Variants in SYNE2 observed in about 807,000 individuals in gnomAD.
SYNE2 encodes nesprin-2.
SYNE2 carries 431 observed loss-of-function variants against 856.3 expected under a neutral mutation model. The observed-to-expected ratio is 0.50, with a 90% CI of 0.47 to 0.55. The LOEUF (loss-of-function observed/expected upper bound fraction) is 0.55, where lower values mean the gene tolerates loss of function less well. Ranked by LOEUF, SYNE2 falls within the 20% of genes least tolerant of loss-of-function variation. SYNE2 has a pLI of 0.00. For synonymous variants in SYNE2, 2,923 were observed against 2,872.3 expected, an observed-to-expected ratio of 1.02 and a Z score of -0.56; for missense variants, 8,129 against 8,023.2, an observed-to-expected ratio of 1.01 and a Z score of -0.50.
chr14:64,086,825 T>G (rs891465597), intron 57 of SYNE2, among the ~76,000 whole-genome samples: 1 of 148,890 alleles, frequency 6.7e-6, no homozygotes, highest in Non-Finnish European at 1.5e-5. Context: ...TTCTCCTGCC[T>G]CAGCCTCCTG....
intron 8 of SYNE2, among the ~76,000 whole-genome samples, chr14:63,955,585 T>C (rs972922658): frequency 6.6e-6 from 1 of 152,164 alleles, no homozygotes; most frequent in Admixed American, 6.5e-5. Flanking sequence ...TAGTGAAAAT[T>C]ATGATGAACG....
In SYNE2 at chr14:64,122,367, T is replaced by G; in HGVS notation, c.13362T>G (p.Tyr4454Ter). Residue 4454 changes from tyrosine (Y) to a stop codon, truncating the protein, a stop_gained, in exon 70 of 116, where the codon TAT (tyrosine) becomes TAG (stop). Transcript: ENST00000555002. LOFTEE classifies it high-confidence loss of function. ...GCCAAAATGGAGATAAGTGGCAATA[T>G]CTGCATCATGAACTCTCATCAAAAA... is the stretch of plus-strand genomic sequence containing the variant. ...PQGQNGDKWQ[Y>*]LHHELSSKIK... 1.9e-6 allele frequency: 3 copies of G among 1,614,184 alleles called. No homozygotes were observed. Among genetic ancestry groups the G allele is most frequent in the Non-Finnish European group, 2.5e-6 (3 of 1,180,036 alleles).
At chr14:63,919,285 G>A (rs1409753138) in intron 2 of SYNE2, among the ~76,000 whole-genome samples, 1 of 152,216 alleles carries the variant, frequency 6.6e-6, no homozygotes, top group Non-Finnish European at 1.5e-5. Context: ...GAAGATTTAA[G>A]TGAGTTTATA....
At chr14:63,820,250 T>C (rs1595143716) in intron 1 of SYNE2, among the ~76,000 whole-genome samples, 1 of 152,150 alleles carries the variant, frequency 6.6e-6, no homozygotes. Context: ...ATAGGGCAAG[T>C]AGAAATAAAC....
chr14:64,139,051 G>A (rs552890090), intron 79 of SYNE2, among the ~76,000 whole-genome samples: 93 of 150,566 alleles, frequency 6.2e-4, no homozygotes, highest in African/African-American at 2.1e-3. Flanking sequence ...TGGCGTGATC[G>A]TGGCTCACTG....
chr14:64,174,297 C>G (rs1021805635), intron 94 of SYNE2, among the ~76,000 whole-genome samples: 1 of 152,172 alleles, frequency 6.6e-6, no homozygotes, highest in Non-Finnish European at 1.5e-5. Context: ...GTCTCGAACC[C>G]CTGAGCTCAA....
intron 1 of SYNE2, among the ~76,000 whole-genome samples, chr14:63,773,025 G>A (rs528122119): frequency 3.3e-5 from 5 of 151,928 alleles, no homozygotes; most frequent in South Asian, 2.1e-4. Flanking sequence ...TGATCTGCAC[G>A]CCTCGGCCTC....
intron 51 of SYNE2, among the ~76,000 whole-genome samples, chr14:64,068,903 G>T (rs1214188485): frequency 6.8e-6 from 1 of 146,102 alleles, no homozygotes; most frequent in South Asian, 2.2e-4. Flanking sequence ...TCTCCCTCTT[G>T]TATTCCCCCT....
chr14:63,853,624 C>T, intron 1 of SYNE2, among the ~76,000 whole-genome samples: 1 of 151,674 alleles, frequency 6.6e-6, no homozygotes, highest in Non-Finnish European at 1.5e-5. Context: ...AGGCGGACAG[C>T]CGCGGCGCAG....
chr14:64,062,669 G>A, intron 49 of SYNE2, 82 bp from the exon 50 acceptor site: 1 of 1,278,626 alleles, frequency 7.8e-7, no homozygotes, highest in South Asian at 1.3e-5. Flanking sequence ...AATTAAGTGT[G>A]GAATATTTAT....
intron 2 of SYNE2, among the ~76,000 whole-genome samples, chr14:63,912,096 A>G (rs927513036): frequency 4.6e-5 from 7 of 152,208 alleles, no homozygotes; most frequent in African/African-American, 1.7e-4. Context: ...GTCTGTTCAC[A>G]TTAGCCAGGT....
chr14:63,831,608 T>A (rs1889672533), intron 1 of SYNE2, among the ~76,000 whole-genome samples: 1 of 136,194 alleles, frequency 7.3e-6, no homozygotes. Context: ...CAGGCAGGAG[T>A]GCAGTGGCAC....
chr14:63,971,034 A>G (rs979235461), intron 11 of SYNE2, among the ~76,000 whole-genome samples: 3 of 150,940 alleles, frequency 2.0e-5, no homozygotes, highest in Admixed American at 2.0e-4. Flanking sequence ...ACTTGGCTCT[A>G]CTTCTTCCTA....
intron 8 of SYNE2, among the ~76,000 whole-genome samples, chr14:63,956,608 T>C (rs1374104351): frequency 6.6e-6 from 1 of 152,104 alleles, no homozygotes; most frequent in African/African-American, 2.4e-5. Context: ...GTATACAAAT[T>C]AGTGGTTTCT....
At chr14:64,197,997 T>C (rs1000561020) in intron 99 of SYNE2, among the ~76,000 whole-genome samples, 1 of 152,268 alleles carries the variant, frequency 6.6e-6, no homozygotes, top group Non-Finnish European at 1.5e-5. Flanking sequence ...ATTTTGCTTT[T>C]GTTCAGGTCT....
chr14:64,210,129 G>C lies in SYNE2; in HGVS notation c.18723+5G>C, dbSNP rs2098632325. 6.2e-7 allele frequency: 1 copy of C among 1,613,064 alleles called. No individual in the cohort carries two copies. The highest frequency in any genetic ancestry group is 8.5e-7 in the Non-Finnish European group (1 of 1,179,490). ...GCCGTCCTGCGGAGACTCAGGGTGA[G>C]CTCCTCTGCACCTGGCTCGGGTGTA... On this transcript the variant is annotated splice_donor_5th_base_variant and intron_variant, in intron 103 of 115. Coordinates refer to ENST00000555002, the MANE Select transcript of SYNE2 (RefSeq NM_182914.3).
At chr14:63,779,986 A>T (rs1325659363) in intron 1 of SYNE2, among the ~76,000 whole-genome samples, 3 of 152,212 alleles carry the variant, frequency 2.0e-5, no homozygotes, top group Non-Finnish European at 2.9e-5. Context: ...GTTCACACAT[A>T]TCATGATCAT....
At chr14:64,112,145 G>A (rs2153655973) in intron 65 of SYNE2, among the ~76,000 whole-genome samples, 1 of 152,256 alleles carries the variant, frequency 6.6e-6, no homozygotes, top group African/African-American at 2.4e-5. Flanking sequence ...TACCAATTTT[G>A]TTCGCTCTTT....
At chr14:63,846,885 T>C (rs1890243204) in intron 1 of SYNE2, among the ~76,000 whole-genome samples, 2 of 152,032 alleles carry the variant, frequency 1.3e-5, no homozygotes, top group Non-Finnish European at 2.9e-5. Context: ...GTGTGAACCA[T>C]GTACCTGGCC....
Sources: gnomAD v4.1 joint callset for allele counts (sites outside exome capture counted in the v4.1 genomes callset) on GRCh38, gnomAD v4.1.1 for gene constraint, MANE v1.5 for transcripts, NCBI Gene and HGNC (gene_info 2026-07-23, HGNC 2026-07-21) for gene names.